The following SNX29 variants were observed in gnomAD, a reference collection of about 807,000 sequenced individuals.
SNX29 encodes the protein sorting nexin-29.
Under a neutral mutation model 102.1 loss-of-function variants are expected in SNX29, and 78 were observed. That is an observed-to-expected ratio of 0.76 (90% confidence interval 0.64 to 0.92). The LOEUF is 0.92. SNX29 is among the 40% of genes least tolerant of loss of function. SNX29 has a pLI of 0.00. For missense variants in SNX29, 1,280 were observed against 1,061.7 expected (o/e 1.21, Z -2.86); for synonymous variants, 580 against 414.5 (o/e 1.40, Z -4.85).
intron 19 of SNX29, among the ~76,000 whole-genome samples, chr16:12,518,721 A>G (rs1159867599): frequency 2.6e-5 from 4 of 152,194 alleles, no homozygotes; most frequent in Non-Finnish European, 4.4e-5. Flanking sequence ...AGCACCTGTC[A>G]CAGGCCTGGT....
chr16:12,052,281 A>G (rs1307929538), intron 8 of SNX29, 59 bp downstream of exon 8: 2 of 1,589,008 alleles, frequency 1.3e-6, no homozygotes, highest in East Asian at 4.5e-5. Context: ...CCGTGGCGTG[A>G]TCTCAGCTCA....
intron 20 of SNX29, among the ~76,000 whole-genome samples, chr16:12,557,048 T>C (rs74566077): frequency 0.025 from 3,256 of 128,498 alleles, 169 homozygotes; most frequent in African/African-American, 0.088. Flanking sequence ...GGTCTTGCTA[T>C]GTGGCCCAGG....
At chr16:12,503,827 C>T (rs2089241909) in intron 19 of SNX29, among the ~76,000 whole-genome samples, 1 of 152,192 alleles carries the variant, frequency 6.6e-6, no homozygotes, top group South Asian at 2.1e-4. Context: ...GTCCCAGAAA[C>T]GTCCTAAGAT....
chr16:12,565,311 T>C (rs1465560), intron 20 of SNX29, among the ~76,000 whole-genome samples: 40,102 of 152,046 alleles, frequency 0.26, 5,912 homozygotes, highest in East Asian at 0.44. Flanking sequence ...TCCATTCAAG[T>C]CCACTGTGCT....
chr16:12,526,499 C>G (rs1324696745), intron 20 of SNX29: 2 of 498,810 alleles, frequency 4.0e-6, no homozygotes, highest in Non-Finnish European at 7.9e-6. Context: ...GAATAGAAAA[C>G]AGTTTCTAGA....
intron 15 of SNX29, among the ~76,000 whole-genome samples, chr16:12,294,253 A>G (rs901766653): frequency 5.9e-5 from 9 of 152,158 alleles, no homozygotes; most frequent in Non-Finnish European, 1.3e-4. Context: ...AGTTGTATGC[A>G]TGGCTCCTGT....
intron 3 of SNX29, among the ~76,000 whole-genome samples, chr16:12,026,812 A>ATG (rs1168310606): frequency 3.3e-5 from 5 of 152,220 alleles, no homozygotes; most frequent in Non-Finnish European, 5.9e-5. Flanking sequence ...ATCAGAATTC[A>ATG]TATATTCTTT....
At position 12,264,355 on chromosome 16, in the gene SNX29, A is replaced by G. The variant is rs142566713; in HGVS notation, c.1679-13578A>G. Among the ~76,000 whole-genome samples the G allele has an allele frequency of 3.5e-3, 538 of 152,394 alleles. 2 individuals carry two copies. The highest frequency in any genetic ancestry group is 0.012 in the African/African-American group (516 of 41,602). On this transcript the variant is annotated intron_variant, in intron 14 of 20. Coordinates refer to ENST00000566228, the MANE Select transcript of SNX29 (RefSeq NM_032167.5). ...TTCTCTTCTTAAGGGCAGGCTGCAC[A>G]GTAATTTCCCGAGGAAGGCTTTGTT...
At chr16:12,118,837 G>A (rs986428236) in intron 11 of SNX29, among the ~76,000 whole-genome samples, 3 of 152,154 alleles carry the variant, frequency 2.0e-5, no homozygotes, top group African/African-American at 7.2e-5. Context: ...TGCTGTGGGA[G>A]TTCCTCTGGG....
At chr16:11,983,768 AT>A in intron 1 of SNX29, 1 of 914,418 alleles carries the variant, frequency 1.1e-6, no homozygotes, top group Non-Finnish European at 1.3e-6. Context: ...AAAATCCAAG[AT>A]TTTATAGATT....
chr16:12,240,805 C>G (rs1309380247), intron 14 of SNX29, among the ~76,000 whole-genome samples: 1 of 151,864 alleles, frequency 6.6e-6, no homozygotes, highest in African/African-American at 2.4e-5. Context: ...GGTCTTTCAC[C>G]ATGTTGGCCA....
chr16:12,038,944 G>C (rs2057552958), intron 4 of SNX29, among the ~76,000 whole-genome samples: 1 of 152,174 alleles, frequency 6.6e-6, no homozygotes, highest in Non-Finnish European at 1.5e-5. Flanking sequence ...AGGCTGTTTT[G>C]TACAGTTGTG....
chr16:12,504,388 C>T (rs1017341358), intron 19 of SNX29, among the ~76,000 whole-genome samples: 32 of 152,116 alleles, frequency 2.1e-4, no homozygotes, highest in Non-Finnish European at 1.0e-4. Flanking sequence ...TATATCCATA[C>T]GCAGCCTCTC....
At position 12,013,500 on chromosome 16, in the gene SNX29, AATATATATATATATATATATAT is replaced by A. The variant is rs66491414; in HGVS notation, c.122+10478_122+10499del. ...GTCTCTACTGGGGGAAAAAAAAAAA[AATATATATATATATATATATAT>A]ATATATATATATATATATATCGAGA... On this transcript the variant is annotated intron_variant, in intron 3 of 20. Coordinates refer to ENST00000566228, the MANE Select transcript of SNX29 (RefSeq NM_032167.5). Among the ~76,000 whole-genome samples, 22 of 31,630 alleles carry A rather than the reference AATATATATATATATATATATAT, an allele frequency of 7.0e-4. No homozygotes were observed. In the East Asian group the frequency reaches 0.022, roughly 32 times the overall value. The allele number at this position is 31,630 out of a possible 152,430, so 20.8% of individuals were successfully genotyped here. A position where few individuals can be genotyped will look rare whatever the true frequency, so the allele number is the denominator to read the frequency against.
At chr16:12,554,013 C>G (rs971909017) in intron 20 of SNX29, among the ~76,000 whole-genome samples, 1 of 152,026 alleles carries the variant, frequency 6.6e-6, no homozygotes, top group Non-Finnish European at 1.5e-5. Flanking sequence ...TTAGTAGAGA[C>G]AGCGTTTTAA....
Position 12,569,394 on chromosome 16 carries a change from C to T in SNX29, c.*765C>T, listed in dbSNP as rs963260645. 1.3e-5 allele frequency: 3 copies of T among 230,738 alleles called. No individual in the cohort carries two copies. Among genetic ancestry groups the T allele is most frequent in the South Asian group, 1.8e-4 (1 of 5,502 alleles). The allele number at this position is 230,738 out of a possible 1,614,324, so 14.3% of individuals were successfully genotyped here. A position where few individuals can be genotyped will look rare whatever the true frequency, so the allele number is the denominator to read the frequency against. ...GGACTCAGACATCTGGCCCAGCCAT[C>T]AGCAGCAACCTAGTAACCCGGCGTC... On this transcript the variant is annotated 3_prime_UTR_variant, in exon 21 of 21. Transcript: ENST00000566228.
Position 12,570,301 on chromosome 16 carries a change from A to G in SNX29, c.*1672A>G. ...TGCAGTCAGTTTGCGAGTGTGGAGG[A>G]CCCGAGACATCCTGTAAAGGCAACT... On this transcript the variant is annotated 3_prime_UTR_variant, in exon 21 of 21. Transcript: ENST00000566228. 2 of 1,041,574 alleles carry G rather than the reference A, an allele frequency of 1.9e-6. No individual in the cohort carries two copies. The highest frequency in any genetic ancestry group is 2.3e-6 in the Non-Finnish European group (2 of 857,792). 64.5% of individuals were successfully genotyped at this position (1,041,574 alleles called of 1,614,324 possible). A position where few individuals can be genotyped will look rare whatever the true frequency, so the allele number is the denominator to read the frequency against.
chr16:12,030,085 T>C (rs1171029337), intron 4 of SNX29, among the ~76,000 whole-genome samples: 5 of 152,224 alleles, frequency 3.3e-5, no homozygotes, highest in Admixed American at 6.5e-5. Flanking sequence ...TTTGAAACAC[T>C]GCCTTCCCTT....
chr16:12,006,713 C>A (rs904955566), intron 3 of SNX29, among the ~76,000 whole-genome samples: 1 of 151,854 alleles, frequency 6.6e-6, no homozygotes, highest in African/African-American at 2.4e-5. Context: ...CTCAACCTCC[C>A]AGGCTCAAGA....
Sources: allele counts gnomAD v4.1 joint callset (sites outside exome capture counted in the v4.1 genomes callset), GRCh38; gene constraint gnomAD v4.1.1; transcripts MANE v1.5; gene names NCBI Gene and HGNC (gene_info 2026-07-23, HGNC 2026-07-21).